Variants in XIRP2 observed in about 807,000 individuals in gnomAD.
The protein encoded by XIRP2 is xin actin-binding repeat-containing protein 2.
XIRP2 carries 236 observed loss-of-function variants against 277.0 expected under a neutral mutation model. That is an observed-to-expected ratio of 0.85 (90% CI 0.77 to 0.95). XIRP2 has a LOEUF of 0.95. Among genes scored for constraint, XIRP2 ranks in the 40% least tolerant of loss-of-function variants. The pLI is 0.00. For missense variants in XIRP2, 4,640 were observed against 4,157.5 expected (o/e 1.12, Z -3.19); for synonymous variants, 1,490 against 1,416.5 (o/e 1.05, Z -1.17).
intron 2 of XIRP2, among the ~76,000 whole-genome samples, chr2:167,129,246 G>C (rs1050913191): frequency 2.6e-5 from 4 of 152,066 alleles, no homozygotes; most frequent in Non-Finnish European, 5.9e-5. Context: ...TTTCTCTAAA[G>C]GTAAGAACCC....
At chr2:166,981,481 G>T (rs549577339) in intron 2 of XIRP2, among the ~76,000 whole-genome samples, 117 of 151,776 alleles carry the variant, frequency 7.7e-4, no homozygotes, top group African/African-American at 2.7e-3. Flanking sequence ...GAGTACAGTG[G>T]CATGATCTCA....
intron 2 of XIRP2, among the ~76,000 whole-genome samples, chr2:167,053,015 C>A (rs1688953906): frequency 6.6e-6 from 1 of 152,196 alleles, no homozygotes; most frequent in Non-Finnish European, 1.5e-5. Flanking sequence ...ACACCCAGTT[C>A]AAGCAGGATA....
At chr2:167,217,782 T>C (rs1694298967) in intron 4 of XIRP2, among the ~76,000 whole-genome samples, 1 of 152,120 alleles carries the variant, frequency 6.6e-6, no homozygotes, top group Non-Finnish European at 1.5e-5. Flanking sequence ...ATATAGATGT[T>C]TGGGATTTTA....
Position 167,250,592 on chromosome 2 carries a change from G to A in XIRP2, c.9200G>A (p.Ser3067Asn). 1.2e-6 allele frequency: 2 copies of A among 1,613,412 alleles called. No individual in the cohort carries two copies. The highest frequency in any genetic ancestry group is 1.7e-6 in the Non-Finnish European group (2 of 1,179,678). The change falls in exon 9 of 11, where the codon AGT becomes AAT. Residue 3067 changes from serine to asparagine, a missense_variant. Coordinates refer to ENST00000409195, the MANE Select transcript of XIRP2 (RefSeq NM_152381.6). ...SNVHVSNNKNSEQKENKIAKE... is the reference protein window; with the variant it reads ...SNVHVSNNKNNEQKENKIAKE... ...GTTCATGTCAGCAATAATAAAAATA[G>A]TGAACAGAAAGAAAATAAAATTGCC... is the stretch of plus-strand genomic sequence containing the variant.
intron 2 of XIRP2, among the ~76,000 whole-genome samples, chr2:167,042,585 A>G (rs1688686513): frequency 2.6e-5 from 4 of 152,286 alleles, no homozygotes; most frequent in South Asian, 4.1e-4. Flanking sequence ...CAGACTTTAA[A>G]CCAACAATGG....
chr2:167,241,707 G>C (rs1423928675), intron 7 of XIRP2, 70 bp from the exon 8 acceptor site: 17 of 1,507,914 alleles, frequency 1.1e-5, no homozygotes, highest in Non-Finnish European at 1.5e-5. Context: ...ACCATGCCCA[G>C]CCATAATTTC....
chr2:167,033,926 T>C (rs1038671084), intron 2 of XIRP2, among the ~76,000 whole-genome samples: 2 of 152,122 alleles, frequency 1.3e-5, no homozygotes, highest in African/African-American at 2.4e-5. Context: ...AAAAAGAAAT[T>C]AGCTGAAGGT....
intron 3 of XIRP2, among the ~76,000 whole-genome samples, chr2:167,191,782 G>T (rs530346337): frequency 6.6e-6 from 1 of 151,958 alleles, no homozygotes; most frequent in South Asian, 2.1e-4. Context: ...TACATTTTTC[G>T]AATAGTATGC....
intron 2 of XIRP2, among the ~76,000 whole-genome samples, chr2:167,107,974 G>A (rs1469802763): frequency 6.6e-6 from 1 of 151,688 alleles, no homozygotes; most frequent in East Asian, 1.9e-4. Flanking sequence ...GCATTTCAAT[G>A]AATTAGTTTG....
At chr2:166,918,752 A>T (rs1684956438) in intron 2 of XIRP2, among the ~76,000 whole-genome samples, 1 of 152,082 alleles carries the variant, frequency 6.6e-6, no homozygotes, top group Admixed American at 6.6e-5. Context: ...TTAAAATTGT[A>T]CTATGGTTAA....
intron 2 of XIRP2, among the ~76,000 whole-genome samples, chr2:166,968,359 G>T (rs542436269): frequency 7.8e-6 from 1 of 128,148 alleles, no homozygotes; most frequent in South Asian, 2.8e-4. Flanking sequence ...GTCTGATCAT[G>T]AAAAATTTAA....
chr2:167,078,161 T>C (rs1689623283), intron 2 of XIRP2, among the ~76,000 whole-genome samples: 2 of 152,242 alleles, frequency 1.3e-5, no homozygotes, highest in African/African-American at 4.8e-5. Context: ...CTTTCAGCAA[T>C]ATTTTATAGT....
chr2:167,173,678 T>C (rs1692760020), intron 3 of XIRP2, among the ~76,000 whole-genome samples: 1 of 152,150 alleles, frequency 6.6e-6, no homozygotes. Flanking sequence ...GTATGGTAGC[T>C]CTATTTTTAG....
At chr2:167,179,766 C>G (rs73025796) in intron 3 of XIRP2, among the ~76,000 whole-genome samples, 1 of 151,812 alleles carries the variant, frequency 6.6e-6, no homozygotes, top group Non-Finnish European at 1.5e-5. Flanking sequence ...CAGCCTCTAA[C>G]GTAGCTGGGA....
At chr2:166,902,518 T>G (rs994547939) in intron 1 of XIRP2, among the ~76,000 whole-genome samples, 2 of 152,022 alleles carry the variant, frequency 1.3e-5, no homozygotes, top group African/African-American at 4.8e-5. Flanking sequence ...AAAACAAAAT[T>G]TATTTTGGGT....
chr2:166,957,065 T>A (rs1270649032), intron 2 of XIRP2, among the ~76,000 whole-genome samples: 1 of 151,844 alleles, frequency 6.6e-6, no homozygotes, highest in African/African-American at 2.4e-5. Flanking sequence ...TGGAATACTG[T>A]ATAATGTTAT....
intron 2 of XIRP2, among the ~76,000 whole-genome samples, chr2:167,081,547 A>C (rs1187976804): frequency 6.6e-6 from 1 of 151,992 alleles, no homozygotes; most frequent in African/African-American, 2.4e-5. Flanking sequence ...TTCTGTTTGT[A>C]AAATAGTCAG....
intron 2 of XIRP2, among the ~76,000 whole-genome samples, chr2:167,035,171 C>G (rs1415706985): frequency 2.0e-5 from 3 of 152,098 alleles, no homozygotes; most frequent in African/African-American, 7.2e-5. Context: ...TGGATTAATA[C>G]AGTAAATTGG....
chr2:166,963,120 A>G (rs1686339972), intron 2 of XIRP2, among the ~76,000 whole-genome samples: 1 of 151,788 alleles, frequency 6.6e-6, no homozygotes, highest in Non-Finnish European at 1.5e-5. Context: ...GCATCTCATG[A>G]ATATGTACAA....
Sources: allele counts gnomAD v4.1 joint callset (sites outside exome capture counted in the v4.1 genomes callset), GRCh38; gene constraint gnomAD v4.1.1; transcripts MANE v1.5; gene names NCBI Gene and HGNC (gene_info 2026-07-23, HGNC 2026-07-21).